Variants in LRMDA observed in about 807,000 individuals in gnomAD.
LRMDA encodes the protein leucine rich melanocyte differentiation associated.
Under a neutral mutation model 29.8 loss-of-function variants are expected in LRMDA, and 18 were observed. The observed-to-expected ratio is 0.60, with a 90% CI of 0.42 to 0.90. The LOEUF (loss-of-function observed/expected upper bound fraction) is 0.90, where lower values mean the gene tolerates loss of function less well. Ranked by LOEUF, LRMDA falls within the 40% of genes least tolerant of loss-of-function variation. The pLI, the probability that LRMDA is intolerant of heterozygous loss-of-function variation, is 0.00. For missense variants in LRMDA, 273 were observed against 273.9 expected (o/e 1.00, Z 0.02); for synonymous variants, 125 against 109.4 (o/e 1.14, Z -0.89).
chr10:75,580,103 A>G (rs772921663), intron 2 of LRMDA, among the ~76,000 whole-genome samples: 17 of 152,246 alleles, frequency 1.1e-4, no homozygotes, highest in Non-Finnish European at 2.4e-4. Flanking sequence ...AATAAAGGGT[A>G]TTCAATTAGG....
chr10:76,528,103 A>G (rs746493817), intron 6 of LRMDA, among the ~76,000 whole-genome samples: 1 of 152,184 alleles, frequency 6.6e-6, no homozygotes, highest in Non-Finnish European at 1.5e-5. Context: ...GCATATTAAT[A>G]TGTTTTTGAA....
intron 6 of LRMDA, among the ~76,000 whole-genome samples, chr10:76,338,258 T>C (rs750160923): frequency 2.6e-5 from 4 of 151,940 alleles, no homozygotes; most frequent in South Asian, 4.2e-4. Context: ...ATACCTGACG[T>C]AGGAGGACTG....
chr10:76,507,411 TTTA>T (rs954411247), intron 6 of LRMDA, among the ~76,000 whole-genome samples: 1 of 151,554 alleles, frequency 6.6e-6, no homozygotes, highest in Admixed American at 6.6e-5. Flanking sequence ...CATTCATTTG[TTTA>T]TTGTTTTTGT....
intron 5 of LRMDA, among the ~76,000 whole-genome samples, chr10:76,078,777 A>G (rs1849003816): frequency 6.6e-6 from 1 of 152,210 alleles, no homozygotes; most frequent in South Asian, 2.1e-4. Context: ...CAGAGCTTGC[A>G]GTGAGCTGAG....
At chr10:75,917,152 C>G (rs754633658) in intron 2 of LRMDA, among the ~76,000 whole-genome samples, 1 of 152,230 alleles carries the variant, frequency 6.6e-6, no homozygotes, top group Non-Finnish European at 1.5e-5. Context: ...GCCTGCTGTG[C>G]AGGCCATCAA....
At chr10:75,625,866 T>A (rs1480126345) in intron 2 of LRMDA, among the ~76,000 whole-genome samples, 1 of 152,070 alleles carries the variant, frequency 6.6e-6, no homozygotes, top group Non-Finnish European at 1.5e-5. Flanking sequence ...AGAGTATTTT[T>A]TTTTTTTGAG....
chr10:75,941,959 T>G (rs1449868536), intron 2 of LRMDA, among the ~76,000 whole-genome samples: 1 of 152,236 alleles, frequency 6.6e-6, no homozygotes, highest in Non-Finnish European at 1.5e-5. Context: ...AAATATAGTG[T>G]TATACCTCTG....
chr10:76,189,558 C>G (rs1422548378), intron 5 of LRMDA, among the ~76,000 whole-genome samples: 7 of 152,116 alleles, frequency 4.6e-5, no homozygotes, highest in African/African-American at 1.7e-4. Context: ...AAAGATATGG[C>G]ATAATCAGAA....
chr10:75,493,348 GGT>G (rs3220724), intron 2 of LRMDA, among the ~76,000 whole-genome samples: 1,567 of 133,308 alleles, frequency 0.012, 22 homozygotes, highest in East Asian at 0.044. Flanking sequence ...GTTGAGATTG[GGT>G]GTGTGTGTGT....
At chr10:76,210,592 G>T (rs1316569543) in intron 5 of LRMDA, among the ~76,000 whole-genome samples, 1 of 152,154 alleles carries the variant, frequency 6.6e-6, no homozygotes, top group Non-Finnish European at 1.5e-5. Flanking sequence ...TGAAATGGCG[G>T]TGGCCAATAT....
chr10:75,715,947 T>G (rs1375337244), intron 2 of LRMDA, among the ~76,000 whole-genome samples: 1 of 152,174 alleles, frequency 6.6e-6, no homozygotes, highest in Non-Finnish European at 1.5e-5. Context: ...AGTCTTTCAG[T>G]ATTGTTAACA....
At chr10:75,616,114 A>G (rs1188641488) in intron 2 of LRMDA, among the ~76,000 whole-genome samples, 1 of 152,214 alleles carries the variant, frequency 6.6e-6, no homozygotes, top group Non-Finnish European at 1.5e-5. Flanking sequence ...GGCGGAAGGC[A>G]AAGGGGATAT....
At chr10:76,172,644 T>C (rs12245788) in intron 5 of LRMDA, among the ~76,000 whole-genome samples, 28,516 of 152,064 alleles carry the variant, frequency 0.19, 3,157 homozygotes, top group East Asian at 0.52. Context: ...TGGAGCACCC[T>C]TTGGAGCTCA....
chr10:75,836,029 G>C (rs1844429604), intron 2 of LRMDA, among the ~76,000 whole-genome samples: 1 of 152,088 alleles, frequency 6.6e-6, no homozygotes, highest in Non-Finnish European at 1.5e-5. Flanking sequence ...CACTTGCACT[G>C]AATAAGAAAA....
At chr10:75,605,967 C>T (rs779504141) in intron 2 of LRMDA, among the ~76,000 whole-genome samples, 29 of 152,192 alleles carry the variant, frequency 1.9e-4, no homozygotes, top group Admixed American at 5.9e-4. Flanking sequence ...AGATGCTCTT[C>T]CTACCTTGGG....
intron 2 of LRMDA, chr10:75,742,596 C>T (rs1842843116): frequency 6.6e-6 from 1 of 152,246 alleles, no homozygotes; most frequent in Admixed American, 6.5e-5. Flanking sequence ...CTTTTTCTTA[C>T]AGAAGCCTCT....
intron 5 of LRMDA, among the ~76,000 whole-genome samples, chr10:76,132,815 CG>C (rs369408716): frequency 4.1e-5 from 6 of 147,440 alleles, no homozygotes; most frequent in East Asian, 3.9e-4. Context: ...TCTTTTTTGG[CG>C]GGGGGGGTCA....
At chr10:76,340,480 C>T (rs550548343) in intron 6 of LRMDA, among the ~76,000 whole-genome samples, 10 of 134,756 alleles carry the variant, frequency 7.4e-5, no homozygotes, top group Non-Finnish European at 1.5e-5. Flanking sequence ...CGTGTCACTG[C>T]ACTCCAGACT....
intron 5 of LRMDA, among the ~76,000 whole-genome samples, chr10:76,189,360 A>T (rs964524596): frequency 2.5e-5 from 3 of 119,962 alleles, no homozygotes; most frequent in Admixed American, 7.6e-5. Flanking sequence ...CTGTCTCAAA[A>T]AAAAAAAAGT....
Sources: allele counts gnomAD v4.1 joint callset (sites outside exome capture counted in the v4.1 genomes callset), GRCh38; gene constraint gnomAD v4.1.1; transcripts MANE v1.5; gene names NCBI Gene and HGNC (gene_info 2026-07-23, HGNC 2026-07-21).